EIF4E3: variants seen among roughly 807,000 people sequenced by gnomAD.
EIF4E3 encodes eukaryotic translation initiation factor 4E type 3.
Under a neutral mutation model 31.7 loss-of-function variants are expected in EIF4E3, and 26 were observed. The ratio of observed to expected loss-of-function variants is 0.82; its 90% CI spans 0.60 to 1.14. The LOEUF (loss-of-function observed/expected upper bound fraction) is 1.14. Ranked by LOEUF, EIF4E3 falls within the 50% of genes most tolerant of loss-of-function variation. EIF4E3 has a pLI of 0.00. For synonymous variants in EIF4E3, 128 were observed against 107.7 expected (o/e 1.19, Z -1.17); for missense variants, 304 against 270.9 (o/e 1.12, Z -0.86).
At chr3:71,699,803 A>T in intron 2 of EIF4E3, 95 bp from the exon 3 acceptor site, 1 of 994,940 alleles carries the variant, frequency 1.0e-6, no homozygotes. Flanking sequence ...AAAAATTTTG[A>T]TTCTCATTGT....
intron 1 of EIF4E3, among the ~76,000 whole-genome samples, chr3:71,748,394 A>G (rs1418083567): frequency 6.6e-6 from 1 of 152,178 alleles, no homozygotes; most frequent in Non-Finnish European, 1.5e-5. Context: ...AGGGATGACT[A>G]TAATTACATT....
At chr3:71,711,459 T>C (rs1434278018) in intron 1 of EIF4E3, among the ~76,000 whole-genome samples, 1 of 152,184 alleles carries the variant, frequency 6.6e-6, no homozygotes, top group South Asian at 2.1e-4. Context: ...GCAATGCTCT[T>C]TACCAGAAAC....
At chr3:71,718,467 A>T (rs989232721) in intron 1 of EIF4E3, among the ~76,000 whole-genome samples, 1 of 152,222 alleles carries the variant, frequency 6.6e-6, no homozygotes, top group African/African-American at 2.4e-5. Flanking sequence ...CTTTAACAGT[A>T]GCAACTGGGG....
chr3:71,745,271 T>A (rs185319532), intron 1 of EIF4E3, among the ~76,000 whole-genome samples: 1 of 152,284 alleles, frequency 6.6e-6, no homozygotes. Context: ...TATATGTGTG[T>A]GGGAGGTGTA....
intron 1 of EIF4E3, among the ~76,000 whole-genome samples, chr3:71,713,865 G>C (rs919895407): frequency 2.0e-5 from 3 of 152,120 alleles, no homozygotes. Flanking sequence ...CACTCAACAA[G>C]AGCTCTATTT....
chr3:71,679,560 T>C lies in EIF4E3; in HGVS notation c.*5122A>G, dbSNP rs767082931. On this transcript the variant is annotated 3_prime_UTR_variant, in exon 7 of 7. Coordinates refer to ENST00000425534, the MANE Select transcript of EIF4E3 (RefSeq NM_001134651.2). ...AAAGCTATTGTATTGGATATTCTAA[T>C]AAGGTACACTCAAGACACACATATA... The C allele has an allele frequency of 1.3e-5, 2 of 152,208 alleles. No homozygotes were observed. Among genetic ancestry groups the C allele is most frequent in the Non-Finnish European group, 2.9e-5 (2 of 68,020 alleles). 9.4% of individuals were successfully genotyped at this position (152,208 alleles called of 1,614,324 possible). A position where few individuals can be genotyped will look rare whatever the true frequency, so the allele number is the denominator to read the frequency against.
At chr3:71,724,517 C>A (rs1483738316) in intron 1 of EIF4E3, among the ~76,000 whole-genome samples, 1 of 152,198 alleles carries the variant, frequency 6.6e-6, no homozygotes. Context: ...AAGATGGCAC[C>A]TGGGTTGTCC....
intron 4 of EIF4E3, among the ~76,000 whole-genome samples, chr3:71,696,256 A>T (rs1206360830): frequency 1.3e-5 from 2 of 152,202 alleles, no homozygotes; most frequent in Non-Finnish European, 2.9e-5. Flanking sequence ...ATACTACACC[A>T]CGTCTATAGA....
chr3:71,696,970 G>A (rs770603401), intron 3 of EIF4E3, among the ~76,000 whole-genome samples: 7 of 150,672 alleles, frequency 4.6e-5, no homozygotes, highest in South Asian at 2.1e-4. Flanking sequence ...CACCGGTCTC[G>A]GCCTCCCAAA....
At chr3:71,688,082 A>C (rs943417864) in intron 6 of EIF4E3, among the ~76,000 whole-genome samples, 1 of 152,102 alleles carries the variant, frequency 6.6e-6, no homozygotes, top group Non-Finnish European at 1.5e-5. Flanking sequence ...TTATGCCCTT[A>C]AAGTATGAAT....
chr3:71,752,607 A>C (rs1372038124), intron 1 of EIF4E3, among the ~76,000 whole-genome samples: 2 of 152,216 alleles, frequency 1.3e-5, no homozygotes, highest in African/African-American at 4.8e-5. Flanking sequence ...TTCTGGCTTT[A>C]CCATGCTAAG....
At chr3:71,714,269 GGAAA>G (rs3066622) in intron 1 of EIF4E3, among the ~76,000 whole-genome samples, 24,249 of 103,438 alleles carry the variant, frequency 0.23, 2,160 homozygotes, top group East Asian at 0.41. Context: ...AAGGAAGGAA[GGAAA>G]GAAGGAAGGA....
At chr3:71,689,928 C>A in intron 6 of EIF4E3, 82 bp downstream of exon 6, 2 of 1,278,944 alleles carry the variant, frequency 1.6e-6, no homozygotes, top group East Asian at 2.7e-5. Flanking sequence ...AATCTGCCTT[C>A]ACCACATTTG....
chr3:71,700,611 T>A (rs1367512757), intron 2 of EIF4E3, among the ~76,000 whole-genome samples: 1 of 92,764 alleles, frequency 1.1e-5, no homozygotes, highest in East Asian at 2.6e-4. Context: ...GAGACTCCGT[T>A]TAAAAAAAAA....
At chr3:71,722,411 G>A (rs555481294) in intron 1 of EIF4E3, among the ~76,000 whole-genome samples, 1 of 152,134 alleles carries the variant, frequency 6.6e-6, no homozygotes, top group Non-Finnish European at 1.5e-5. Flanking sequence ...GAGGCCTGAG[G>A]CCTGAGTCTT....
At chr3:71,693,777 T>A in intron 5 of EIF4E3, 98 bp downstream of exon 5, 1 of 1,161,060 alleles carries the variant, frequency 8.6e-7, no homozygotes, top group Non-Finnish European at 1.2e-6. Flanking sequence ...CTTCAAAACA[T>A]GTAAAAAGTC....
chr3:71,666,319 C>A, the EIF4E3 span, among the ~76,000 whole-genome samples: 2 of 152,320 alleles, frequency 1.3e-5, no homozygotes, highest in East Asian at 3.9e-4. Flanking sequence ...ATAAACACCT[C>A]TATGCAAATA....
chr3:71,684,439 GC>G lies in EIF4E3; in HGVS notation c.*242del. The G allele has an allele frequency of 2.9e-6, 1 of 349,918 alleles. No individual in the cohort carries two copies. 21.7% of individuals were successfully genotyped at this position (349,918 alleles called of 1,614,324 possible). A position where few individuals can be genotyped will look rare whatever the true frequency, so the allele number is the denominator to read the frequency against. ...GTGAAAAGAACAGAGAATTTAGAAAGCCAAAAAAAAAGTTTTTTGTGTGTGT... is the reference window on the plus strand; with the variant it reads ...GTGAAAAGAACAGAGAATTTAGAAAGCAAAAAAAAAGTTTTTTGTGTGTGT... On this transcript the variant is annotated 3_prime_UTR_variant, in exon 7 of 7. Coordinates refer to ENST00000425534, the MANE Select transcript of EIF4E3 (RefSeq NM_001134651.2).
intron 2 of EIF4E3, among the ~76,000 whole-genome samples, chr3:71,706,027 A>G (rs533726290): frequency 6.6e-5 from 10 of 152,358 alleles, no homozygotes; most frequent in African/African-American, 2.4e-4. Context: ...AAGAGAATCA[A>G]TAAGCATCTG....
Sources: allele counts gnomAD v4.1 joint callset (sites outside exome capture counted in the v4.1 genomes callset), GRCh38; gene constraint gnomAD v4.1.1; transcripts MANE v1.5; gene names NCBI Gene and HGNC (gene_info 2026-07-23, HGNC 2026-07-21).